The following NWD2 variants were observed in gnomAD, a reference collection of about 807,000 sequenced individuals.
NWD2 encodes the protein NACHT and WD repeat domain-containing protein 2.
In NWD2, 37 loss-of-function variants were observed where a neutral mutation model predicts 132.7. That is an observed-to-expected ratio of 0.28 (90% confidence interval 0.21 to 0.37). The LOEUF (loss-of-function observed/expected upper bound fraction) is 0.37, where lower values mean the gene tolerates loss of function less well. Ranked by LOEUF, NWD2 falls within the 10% of genes least tolerant of loss-of-function variation. The pLI, the probability that NWD2 is intolerant of heterozygous loss-of-function variation, is 1.00. For missense variants in NWD2, 1,592 were observed against 2,122.4 expected, an observed-to-expected ratio of 0.75 and a Z score of 4.91; for synonymous variants, 705 against 803.0, an observed-to-expected ratio of 0.88 and a Z score of 2.06.
intron 2 of NWD2, among the ~76,000 whole-genome samples, chr4:37,327,659 C>T (rs938154618): frequency 8.5e-5 from 13 of 152,092 alleles, no homozygotes; most frequent in Non-Finnish European, 1.5e-4. Context: ...AAGCTCTAGG[C>T]TTAGCAGGAG....
chr4:37,250,985 G>T (rs778074574), intron 1 of NWD2, among the ~76,000 whole-genome samples: 11 of 152,206 alleles, frequency 7.2e-5, no homozygotes, highest in Non-Finnish European at 1.0e-4. Flanking sequence ...CATAGTAAAG[G>T]TACCGTTGGC....
intron 3 of NWD2, among the ~76,000 whole-genome samples, chr4:37,385,276 C>T (rs1720537084): frequency 6.6e-6 from 1 of 152,108 alleles, no homozygotes; most frequent in Non-Finnish European, 1.5e-5. Flanking sequence ...CTTTCTTTCC[C>T]CTGCTTAAAT....
chr4:37,340,675 G>A (rs1719502113), intron 2 of NWD2, among the ~76,000 whole-genome samples: 1 of 152,144 alleles, frequency 6.6e-6, no homozygotes, highest in East Asian at 1.9e-4. Flanking sequence ...GTTAGGCAGT[G>A]GGAGATGGCT....
At chr4:37,305,274 T>C (rs1718687949) in intron 1 of NWD2, among the ~76,000 whole-genome samples, 1 of 152,198 alleles carries the variant, frequency 6.6e-6, no homozygotes, top group Admixed American at 6.5e-5. Flanking sequence ...TCCAGGCCTG[T>C]GATGGGAAGG....
chr4:37,422,147 C>T (rs1037972923), intron 3 of NWD2, among the ~76,000 whole-genome samples: 3 of 152,196 alleles, frequency 2.0e-5, no homozygotes, highest in Non-Finnish European at 2.9e-5. Flanking sequence ...TAGTCCATAG[C>T]AATACTGGCC....
At chr4:37,283,947 A>G (rs909297006) in intron 1 of NWD2, among the ~76,000 whole-genome samples, 3 of 152,218 alleles carry the variant, frequency 2.0e-5, no homozygotes, top group Admixed American at 1.3e-4. Context: ...CATTCTATGC[A>G]GTTGAAATAC....
intron 1 of NWD2, among the ~76,000 whole-genome samples, chr4:37,302,159 T>C (rs1260616612): frequency 6.6e-6 from 1 of 151,872 alleles, no homozygotes; most frequent in African/African-American, 2.4e-5. Context: ...CTACTCTCTA[T>C]TTTTATGAGC....
At chr4:37,442,147 A>AT (rs1712502381) in intron 6 of NWD2, among the ~76,000 whole-genome samples, 1 of 152,176 alleles carries the variant, frequency 6.6e-6, no homozygotes, top group Non-Finnish European at 1.5e-5. Context: ...AATCTTTCTA[A>AT]TTTTATTCAT....
At chr4:37,430,893 T>G in intron 4 of NWD2, 118 bp downstream of exon 4, 1 of 840,870 alleles carries the variant, frequency 1.2e-6, no homozygotes, top group South Asian at 1.8e-5. Flanking sequence ...TACTCTGCCC[T>G]AGGCCCCAGG....
intron 1 of NWD2, among the ~76,000 whole-genome samples, chr4:37,301,627 T>A (rs1363521181): frequency 1.3e-5 from 2 of 152,074 alleles, no homozygotes; most frequent in African/African-American, 4.8e-5. Flanking sequence ...TGTTTTTTTA[T>A]TTCTAGAGGT....
intron 5 of NWD2, among the ~76,000 whole-genome samples, chr4:37,436,026 G>A (rs1712312484): frequency 6.6e-6 from 1 of 152,058 alleles, no homozygotes; most frequent in Non-Finnish European, 1.5e-5. Context: ...CACACTTCTA[G>A]TTTCACCTTT....
chr4:37,419,895 A>T (rs1196387353), intron 3 of NWD2, among the ~76,000 whole-genome samples: 1 of 152,216 alleles, frequency 6.6e-6, no homozygotes, highest in Non-Finnish European at 1.5e-5. Context: ...ATCTTTCTGC[A>T]AATTGGATGA....
chr4:37,443,298 T>G lies in NWD2; in HGVS notation c.1310T>G (p.Leu437Arg). 6.5e-7 allele frequency: 1 copy of G among 1,549,064 alleles called. No individual in the cohort carries two copies. Among genetic ancestry groups the G allele is most frequent in the Non-Finnish European group, 8.7e-7 (1 of 1,144,714 alleles). The stretch of plus-strand genomic sequence containing the variant: ...TTTGTGTTTCAGGCTTATGGCTGGC[T>G]ACATGAGGACACAGGACCAGAATCT... ...AEVAKKAYGW[L>R]HEDTGPESDP... is the part of the protein sequence containing the mutation. The change falls in exon 7 of 7, where the codon CTA becomes CGA. Residue 437 changes from leucine to arginine, a missense_variant. Leu to Arg is a moderately radical substitution (Grantham distance 102). This residue lies in a region of NWD2 where 1,071 missense variants were observed against 1,398.0 expected (regional missense o/e 0.77). Coordinates refer to ENST00000309447, the MANE Select transcript of NWD2 (RefSeq NM_001144990.2). The surrounding 1 kb of genome is among the most constrained non-coding windows in gnomAD (Gnocchi z 4.1).
chr4:37,280,274 A>T (rs1444312183), intron 1 of NWD2, among the ~76,000 whole-genome samples: 6 of 152,248 alleles, frequency 3.9e-5, no homozygotes, highest in African/African-American at 1.4e-4. Flanking sequence ...ACATATATTT[A>T]AGAAAGACTA....
intron 3 of NWD2, among the ~76,000 whole-genome samples, chr4:37,388,841 A>G (rs540026456): frequency 4.6e-5 from 7 of 150,692 alleles, no homozygotes; most frequent in Non-Finnish European, 1.0e-4. Context: ...CGTTTCCATT[A>G]CCCCAGACAC....
chr4:37,358,698 A>G (rs1430986538), intron 3 of NWD2, among the ~76,000 whole-genome samples: 1 of 152,164 alleles, frequency 6.6e-6, no homozygotes, highest in Non-Finnish European at 1.5e-5. Context: ...GGTCATTCTG[A>G]GAATCAAATG....
intron 1 of NWD2, among the ~76,000 whole-genome samples, chr4:37,318,044 G>A (rs1251913061): frequency 1.3e-4 from 15 of 117,184 alleles, no homozygotes; most frequent in Admixed American, 2.2e-4. Flanking sequence ...TTTTTGAGAC[G>A]AAGTCTCGCT....
At chr4:37,441,954 AT>A (rs1560256806) in intron 6 of NWD2, among the ~76,000 whole-genome samples, 1 of 152,194 alleles carries the variant, frequency 6.6e-6, no homozygotes, top group African/African-American at 2.4e-5. Flanking sequence ...ACGGAGGAGG[AT>A]GCCTGTAGTT....
rs1712666664 is a variant in NWD2, at chr4:37,447,316, G to A, written c.*99G>A. The A allele has an allele frequency of 2.2e-6, 2 of 901,820 alleles. No individual in the cohort carries two copies. The highest frequency in any genetic ancestry group is 3.3e-6 in the Non-Finnish European group (2 of 602,552). The allele number at this position is 901,820 out of a possible 1,614,324, so 55.9% of individuals were successfully genotyped here. ...ACTATTCATTTATTAAAAGGCAGGA[G>A]CGATGCTGGAATTCCAGTGTTTTAT... On this transcript the variant is annotated 3_prime_UTR_variant, in exon 7 of 7. Transcript: ENST00000309447.
Sources: allele counts gnomAD v4.1 joint callset (sites outside exome capture counted in the v4.1 genomes callset), GRCh38; gene constraint gnomAD v4.1.1; regional missense constraint gnomAD v4.1.1; non-coding constraint Gnocchi (gnomAD v3.1); transcripts MANE v1.5; gene names NCBI Gene and HGNC (gene_info 2026-07-23, HGNC 2026-07-21).